GALNTL6: variants seen among roughly 807,000 people sequenced by gnomAD.
The protein encoded by GALNTL6 is polypeptide N-acetylgalactosaminyltransferase like 6.
A neutral mutation model predicts 73.7 loss-of-function variants in GALNTL6; 46 were observed. That is an observed-to-expected ratio of 0.62 (90% confidence interval 0.49 to 0.80). The LOEUF is 0.80. GALNTL6 is among the 30% of genes least tolerant of loss of function. The pLI is 0.00. For missense variants in GALNTL6, 604 were observed against 755.0 expected, an observed-to-expected ratio of 0.80 and a Z score of 2.34; for synonymous variants, 259 against 263.7, an observed-to-expected ratio of 0.98 and a Z score of 0.17.
chr4:172,893,345 C>A (rs2610207), intron 8 of GALNTL6, among the ~76,000 whole-genome samples: 1 of 110,154 alleles, frequency 9.1e-6, no homozygotes, highest in African/African-American at 3.2e-5. Context: ...CTGAGAGTGG[C>A]GGGGGGGGGG....
chr4:172,494,854 G>A (rs768289334), intron 5 of GALNTL6, among the ~76,000 whole-genome samples: 6 of 152,150 alleles, frequency 3.9e-5, no homozygotes, highest in Admixed American at 6.5e-5. Flanking sequence ...GTGCCCACCC[G>A]TATTGAGGGT....
intron 2 of GALNTL6, among the ~76,000 whole-genome samples, chr4:171,912,348 T>C (rs1012782340): frequency 3.9e-5 from 6 of 152,184 alleles, no homozygotes; most frequent in Non-Finnish European, 2.9e-5. Flanking sequence ...ATCTTTAAAG[T>C]CTATTCTACA....
chr4:171,888,304 T>TA (rs1169663453), intron 2 of GALNTL6, among the ~76,000 whole-genome samples: 1 of 151,038 alleles, frequency 6.6e-6, no homozygotes, highest in African/African-American at 2.4e-5. Flanking sequence ...ATAATTTACT[T>TA]ACATAACTTT....
In GALNTL6 at chr4:172,222,546, T is replaced by C. The variant is rs999791405; in HGVS notation, c.139-7110T>C. 4.8e-5 allele frequency among the ~76,000 whole-genome samples: 7 copies of C among 146,944 alleles called. No homozygotes were observed. The Admixed American group carries it at 4.8e-4, about 10-fold the overall frequency. ...GGATTAAGGCATTCAGTTTTTTTTA[T>C]CCTCAAAATAAAATCGAAGCATTAT... On this transcript the variant is annotated intron_variant, in intron 2 of 12. Transcript: ENST00000506823.
intron 4 of GALNTL6, among the ~76,000 whole-genome samples, chr4:172,328,340 C>T (rs771346867): frequency 4.6e-5 from 7 of 151,964 alleles, no homozygotes; most frequent in Non-Finnish European, 7.4e-5. Flanking sequence ...TCATTTTGCC[C>T]TTGGAAAATG....
intron 5 of GALNTL6, among the ~76,000 whole-genome samples, chr4:172,478,366 A>T (rs1040153011): frequency 2.0e-5 from 3 of 152,200 alleles, no homozygotes; most frequent in Non-Finnish European, 4.4e-5. Flanking sequence ...CCAAATACCT[A>T]CAGCCAGCTG....
chr4:172,427,798 G>A (rs1031282193), intron 5 of GALNTL6, among the ~76,000 whole-genome samples: 18 of 152,058 alleles, frequency 1.2e-4, no homozygotes, highest in African/African-American at 1.9e-4. Context: ...TTAAAACACC[G>A]TAACTATATT....
chr4:171,998,212 C>T (rs2110752658), intron 2 of GALNTL6, among the ~76,000 whole-genome samples: 1 of 152,132 alleles, frequency 6.6e-6, no homozygotes, highest in Middle Eastern at 3.4e-3. Flanking sequence ...TCATTTAGTC[C>T]ATCTATTAAG....
At chr4:172,305,587 ATT>A (rs199570867) in intron 3 of GALNTL6, among the ~76,000 whole-genome samples, 2 of 150,426 alleles carry the variant, frequency 1.3e-5, no homozygotes, top group Middle Eastern at 3.5e-3. Context: ...CAAACATACA[ATT>A]TTTTTTTTGT....
At chr4:172,462,465 T>C (rs780507185) in intron 5 of GALNTL6, among the ~76,000 whole-genome samples, 36 of 152,254 alleles carry the variant, frequency 2.4e-4, no homozygotes, top group Non-Finnish European at 3.7e-4. Context: ...CAAAAACAGA[T>C]AGCTTCTTCT....
intron 2 of GALNTL6, among the ~76,000 whole-genome samples, chr4:171,833,189 G>T (rs1560805978): frequency 6.6e-6 from 1 of 151,684 alleles, no homozygotes; most frequent in Admixed American, 6.6e-5. Context: ...TGAATGTGAA[G>T]TAAAGTATAA....
At chr4:172,314,600 CTTTT>C (rs773057515) in intron 4 of GALNTL6, among the ~76,000 whole-genome samples, 2 of 70,674 alleles carry the variant, frequency 2.8e-5, no homozygotes, top group Non-Finnish European at 4.9e-5. Flanking sequence ...AATGCGTAGG[CTTTT>C]TTTTTTTTTT....
chr4:172,488,289 A>T (rs554881087), intron 5 of GALNTL6, among the ~76,000 whole-genome samples: 1 of 152,336 alleles, frequency 6.6e-6, no homozygotes, highest in Admixed American at 6.5e-5. Flanking sequence ...TTATTTGATT[A>T]TGCTCATGGA....
intron 2 of GALNTL6, among the ~76,000 whole-genome samples, chr4:171,991,173 A>G (rs902737385): frequency 6.6e-6 from 1 of 152,202 alleles, no homozygotes; most frequent in Non-Finnish European, 1.5e-5. Flanking sequence ...TTGTAACAAC[A>G]ACAAAAGACA....
chr4:172,735,317 T>C (rs1296974206), intron 5 of GALNTL6, among the ~76,000 whole-genome samples: 7 of 152,116 alleles, frequency 4.6e-5, no homozygotes, highest in African/African-American at 1.7e-4. Context: ...TCAAAGGAGA[T>C]TATTTTGGAA....
Position 172,683,027 on chromosome 4 carries a change from T to C in GALNTL6, c.554-126334T>C, listed in dbSNP as rs909528515. Among the ~76,000 whole-genome samples, 46 of 152,146 alleles carry C rather than the reference T, an allele frequency of 3.0e-4. 1 individual carries two copies. Among genetic ancestry groups the C allele is most frequent in the Non-Finnish European group, 1.5e-4 (10 of 68,018 alleles). ...AGGAAAATGAGGTTCAAAGAGAACA[T>C]TTATTCTTCAAAGTGCAAAACAGGG... On this transcript the variant is annotated intron_variant, in intron 5 of 12. Transcript: ENST00000506823.
chr4:172,673,423 G>A (rs1313996116), intron 5 of GALNTL6, among the ~76,000 whole-genome samples: 1 of 152,174 alleles, frequency 6.6e-6, no homozygotes, highest in Non-Finnish European at 1.5e-5. Context: ...TGTACCATGT[G>A]GCAATTAGAA....
At chr4:172,922,661 G>C (rs1167956235) in intron 8 of GALNTL6, among the ~76,000 whole-genome samples, 2 of 152,174 alleles carry the variant, frequency 1.3e-5, no homozygotes, top group East Asian at 3.8e-4. Context: ...AAGCCTTAGG[G>C]ACTTCCACAT....
At chr4:172,805,925 C>T (rs180870875) in intron 5 of GALNTL6, among the ~76,000 whole-genome samples, 17 of 151,818 alleles carry the variant, frequency 1.1e-4, no homozygotes, top group Admixed American at 3.3e-4. Context: ...TTTTTAAAAT[C>T]GGAGTAATAG....
Sources: allele counts gnomAD v4.1 joint callset (sites outside exome capture counted in the v4.1 genomes callset), GRCh38; gene constraint gnomAD v4.1.1; transcripts MANE v1.5; gene names NCBI Gene and HGNC (gene_info 2026-07-23, HGNC 2026-07-21).